The following ARHGAP15 variants were observed in gnomAD, a reference collection of about 807,000 sequenced individuals.
ARHGAP15 encodes the protein Rho GTPase activating protein 15, also known as rho GTPase-activating protein 15.
A neutral mutation model predicts 63.7 loss-of-function variants in ARHGAP15; 51 were observed. That is an observed-to-expected ratio of 0.80 (90% confidence interval 0.64 to 1.01). The LOEUF is 1.01. ARHGAP15 is among the 50% of genes least tolerant of loss of function. ARHGAP15 has a pLI of 0.00. For synonymous variants in ARHGAP15, 191 were observed against 193.8 expected (o/e 0.99, Z 0.12); for missense variants, 560 against 564.6 (o/e 0.99, Z 0.08).
Position 143,269,444 on chromosome 2 carries a change from C to G in ARHGAP15, c.474+18844C>G, listed in dbSNP as rs889106092. On this transcript the variant is annotated intron_variant, in intron 6 of 13. Coordinates refer to ENST00000295095, the MANE Select transcript of ARHGAP15 (RefSeq NM_018460.4). ...TTTGATTGTATTTTTTATAACAGTA[C>G]TCCTTTTCAGCTGATGGCAGAGACT... Among the ~76,000 whole-genome samples the G allele has an allele frequency of 7.9e-5, 12 of 152,244 alleles. 1 individual carries two copies. In the South Asian group the frequency reaches 2.5e-3, roughly 32 times the overall value.
chr2:143,763,714 ATGTATATG>A (rs1215860073), intron 13 of ARHGAP15, among the ~76,000 whole-genome samples: 3 of 143,062 alleles, frequency 2.1e-5, no homozygotes. Context: ...GTATATGTGT[ATGTATATG>A]TATGTATATG....
chr2:143,514,510 A>T (rs1305872226), intron 9 of ARHGAP15, among the ~76,000 whole-genome samples: 2 of 152,198 alleles, frequency 1.3e-5, no homozygotes, highest in African/African-American at 2.4e-5. Flanking sequence ...CTCCAGTTTT[A>T]GTTTCCATGT....
chr2:143,174,662 TTGAAG>T (rs1160926645), intron 2 of ARHGAP15, among the ~76,000 whole-genome samples: 1 of 152,106 alleles, frequency 6.6e-6, no homozygotes, highest in Non-Finnish European at 1.5e-5. Context: ...ATGAATTCAG[TTGAAG>T]TGATAGAAAT....
At chr2:143,568,135 A>G (rs1696307733) in intron 11 of ARHGAP15, among the ~76,000 whole-genome samples, 1 of 152,230 alleles carries the variant, frequency 6.6e-6, no homozygotes, top group Non-Finnish European at 1.5e-5. Flanking sequence ...CTAAAACACC[A>G]AAAGCAATGG....
intron 2 of ARHGAP15, among the ~76,000 whole-genome samples, chr2:143,188,724 T>C (rs971649777): frequency 1.3e-5 from 2 of 151,678 alleles, no homozygotes; most frequent in African/African-American, 4.8e-5. Context: ...AGGTTCAAGC[T>C]ATTCTCTTGC....
chr2:143,226,689 T>A lies in ARHGAP15; in HGVS notation c.297-1892T>A, dbSNP rs560692055. Among the ~76,000 whole-genome samples the A allele has an allele frequency of 8.9e-4, 135 of 152,360 alleles. 1 individual carries two copies. Among genetic ancestry groups the A allele is most frequent in the African/African-American group, 3.1e-3 (130 of 41,590 alleles). ...GTTTTGTTTTTTCATCTTTTCATTA[T>A]TTAATTGAAAAATTGATACTCTTCA... On this transcript the variant is annotated intron_variant, in intron 4 of 13. Coordinates refer to ENST00000295095, the MANE Select transcript of ARHGAP15 (RefSeq NM_018460.4).
chr2:143,672,816 G>A (rs901196623), intron 12 of ARHGAP15, among the ~76,000 whole-genome samples: 3 of 152,140 alleles, frequency 2.0e-5, no homozygotes, highest in Non-Finnish European at 4.4e-5. Context: ...ACTATAGTTT[G>A]AATAAGCAAG....
chr2:143,745,440 ATAAGTG>A (rs746573632), intron 13 of ARHGAP15, among the ~76,000 whole-genome samples: 3 of 152,202 alleles, frequency 2.0e-5, no homozygotes, highest in Non-Finnish European at 2.9e-5. Flanking sequence ...CCATTCTTTT[ATAAGTG>A]TAAGAAAACA....
At chr2:143,348,737 G>A (rs1358398659) in intron 6 of ARHGAP15, among the ~76,000 whole-genome samples, 1 of 152,082 alleles carries the variant, frequency 6.6e-6, no homozygotes, top group Non-Finnish European at 1.5e-5. Flanking sequence ...AATTATTTGT[G>A]ATTTTAAATA....
intron 13 of ARHGAP15, among the ~76,000 whole-genome samples, chr2:143,759,703 G>T (rs1686695447): frequency 6.6e-6 from 1 of 152,108 alleles, no homozygotes; most frequent in South Asian, 2.1e-4. Context: ...CAGAACACTT[G>T]TTCCCCTGAT....
chr2:143,394,978 G>A (rs751402825), intron 6 of ARHGAP15, among the ~76,000 whole-genome samples: 1 of 152,094 alleles, frequency 6.6e-6, no homozygotes, highest in South Asian at 2.1e-4. Flanking sequence ...AGTGAAGAAG[G>A]CAAGGAGCAA....
intron 5 of ARHGAP15, among the ~76,000 whole-genome samples, chr2:143,230,075 C>A (rs1487785559): frequency 6.6e-6 from 1 of 152,100 alleles, no homozygotes; most frequent in East Asian, 1.9e-4. Flanking sequence ...AAGGGCCAGG[C>A]ACAAAACAAC....
At chr2:143,664,109 A>AT (rs1169967832) in intron 12 of ARHGAP15, among the ~76,000 whole-genome samples, 8 of 151,940 alleles carry the variant, frequency 5.3e-5, no homozygotes, top group African/African-American at 1.9e-4. Flanking sequence ...CAGAATATAC[A>AT]TTTTTTTCAG....
intron 2 of ARHGAP15, among the ~76,000 whole-genome samples, chr2:143,198,510 T>G (rs1449980812): frequency 1.3e-5 from 2 of 152,088 alleles, no homozygotes; most frequent in Non-Finnish European, 2.9e-5. Flanking sequence ...ATACCACTAG[T>G]AAATGGTTTT....
rs1034784190 is a variant in ARHGAP15, at chr2:143,435,673, G to A, written c.547G>A (p.Ala183Thr). 1.9e-5 allele frequency: 31 copies of A among 1,602,740 alleles called. No homozygotes were observed. The highest frequency in any genetic ancestry group is 3.3e-4 in the Middle Eastern group (2 of 6,044). Residue 183 changes from alanine to threonine, a missense_variant, in exon 7 of 14, where the codon GCT becomes ACT. Ala to Thr is a moderately conservative substitution (Grantham distance 58). Coordinates refer to ENST00000295095, the MANE Select transcript of ARHGAP15 (RefSeq NM_018460.4). ...CTTCATCATATTGGATTGGTTCCACGCTATCAAAAATGCAATTGACAGATT... is the reference window on the plus strand; with the variant it reads ...CTTCATCATATTGGATTGGTTCCACACTATCAAAAATGCAATTGACAGATT... ...IDFIILDWFH[A>T]IKNAIDRLPK... is the part of the protein sequence containing the mutation.
intron 12 of ARHGAP15, chr2:143,683,039 A>G (rs1296960606): frequency 6.6e-6 from 1 of 152,252 alleles, no homozygotes; most frequent in Non-Finnish European, 1.5e-5. Flanking sequence ...GAAGACCCAC[A>G]AACTAAAGTA....
chr2:143,438,911 T>C (rs1050073333), intron 8 of ARHGAP15, among the ~76,000 whole-genome samples: 2 of 152,154 alleles, frequency 1.3e-5, no homozygotes, highest in African/African-American at 4.8e-5. Context: ...AAGATGTTTC[T>C]AAAACCTGAG....
At position 143,591,616 on chromosome 2, in the gene ARHGAP15, T is replaced by G. The variant is rs1048080048; in HGVS notation, c.1004-32517T>G. On this transcript the variant is annotated intron_variant, in intron 11 of 13. Coordinates refer to ENST00000295095, the MANE Select transcript of ARHGAP15 (RefSeq NM_018460.4). ...TAAGTTGGTTTTTTTTGTTTGTTCT[T>G]TTTTTTTTTTCTTTTTTTTTTTAGA... is the stretch of plus-strand genomic sequence containing the variant. Among the ~76,000 whole-genome samples, 66 of 131,444 alleles carry G rather than the reference T, an allele frequency of 5.0e-4. 2 individuals are homozygous for G. Among genetic ancestry groups the G allele is most frequent in the Non-Finnish European group, 5.9e-4 (38 of 63,990 alleles). 86.2% of individuals were successfully genotyped at this position (131,444 alleles called of 152,430 possible).
intron 2 of ARHGAP15, among the ~76,000 whole-genome samples, chr2:143,165,960 G>GAGAAAGAAAGAAAAGAAAGAAAGAA (rs1690489669): frequency 1.1e-5 from 1 of 93,594 alleles, no homozygotes; most frequent in South Asian, 3.8e-4. Context: ...GAAAGAAAGA[G>GAGAAAGAAAGAAAAGAAAGAAAGAA]AGAAAGAAAG....
Sources: gnomAD v4.1 joint callset for allele counts (sites outside exome capture counted in the v4.1 genomes callset) on GRCh38, gnomAD v4.1.1 for gene constraint, MANE v1.5 for transcripts, NCBI Gene and HGNC (gene_info 2026-07-23, HGNC 2026-07-21) for gene names.